Variants in CCBE1 observed in about 807,000 individuals in gnomAD.
The protein encoded by CCBE1 is collagen and calcium-binding EGF domain-containing protein 1.
CCBE1 carries 37 observed loss-of-function variants against 50.0 expected under a neutral mutation model. The observed-to-expected ratio is 0.74, with a 90% confidence interval of 0.57 to 0.97. CCBE1 has a LOEUF of 0.97. Ranked by LOEUF, CCBE1 falls within the 50% of genes least tolerant of loss-of-function variation. The pLI, the probability that CCBE1 is intolerant of heterozygous loss-of-function variation, is 0.00. For missense variants in CCBE1, 538 were observed against 523.8 expected (o/e 1.03, Z -0.26); for synonymous variants, 234 against 203.7 (o/e 1.15, Z -1.27).
At chr18:59,537,854 G>T (rs1915313995) in intron 2 of CCBE1, among the ~76,000 whole-genome samples, 1 of 152,116 alleles carries the variant, frequency 6.6e-6, no homozygotes, top group Non-Finnish European at 1.5e-5. Flanking sequence ...GTGTGCCCTT[G>T]AGCAAGTCAC....
chr18:59,634,216 C>T (rs927723765), intron 2 of CCBE1, among the ~76,000 whole-genome samples: 5 of 152,106 alleles, frequency 3.3e-5, no homozygotes, highest in African/African-American at 9.7e-5. Flanking sequence ...TTTAAAAAAC[C>T]GCAAACACAA....
At chr18:59,550,861 C>T (rs967559099) in intron 2 of CCBE1, among the ~76,000 whole-genome samples, 2 of 151,040 alleles carry the variant, frequency 1.3e-5, no homozygotes, top group Non-Finnish European at 3.0e-5. Context: ...AAAAATTAAC[C>T]GGGCGTGGTG....
chr18:59,481,829 A>G (rs1912584428), intron 2 of CCBE1, among the ~76,000 whole-genome samples: 1 of 152,248 alleles, frequency 6.6e-6, no homozygotes, highest in African/African-American at 2.4e-5. Flanking sequence ...ACAGGAGATG[A>G]CACTAGAGGG....
chr18:59,540,256 T>G (rs917463340), intron 2 of CCBE1, among the ~76,000 whole-genome samples: 76 of 152,342 alleles, frequency 5.0e-4, no homozygotes, highest in African/African-American at 1.7e-3. Flanking sequence ...TTGTTGGTTT[T>G]TAGTATTCAT....
chr18:59,501,309 T>C (rs1913611065), intron 2 of CCBE1, among the ~76,000 whole-genome samples: 1 of 152,172 alleles, frequency 6.6e-6, no homozygotes, highest in Non-Finnish European at 1.5e-5. Flanking sequence ...CTTACCCCCA[T>C]GGCTTTAGAG....
intron 2 of CCBE1, among the ~76,000 whole-genome samples, chr18:59,499,543 A>G (rs766610644): frequency 2.6e-5 from 4 of 152,210 alleles, no homozygotes; most frequent in African/African-American, 4.8e-5. Context: ...GGACGGCAAC[A>G]GGCAAAGAGA....
chr18:59,654,424 G>A (rs1239215065), intron 2 of CCBE1, among the ~76,000 whole-genome samples: 1 of 152,008 alleles, frequency 6.6e-6, no homozygotes, highest in African/African-American at 2.4e-5. Context: ...TCACGAGTTC[G>A]AAACAAGCCT....
At chr18:59,492,642 C>A (rs919950188) in intron 2 of CCBE1, among the ~76,000 whole-genome samples, 1 of 152,180 alleles carries the variant, frequency 6.6e-6, no homozygotes, top group Non-Finnish European at 1.5e-5. Context: ...CACAAGAAAC[C>A]TGTATCCGTG....
intron 2 of CCBE1, among the ~76,000 whole-genome samples, chr18:59,496,577 T>C (rs1186240172): frequency 6.6e-6 from 1 of 152,184 alleles, no homozygotes; most frequent in Non-Finnish European, 1.5e-5. Context: ...TTGTATAAAA[T>C]AGTGACAGAT....
chr18:59,501,408 G>A (rs1361084721), intron 2 of CCBE1, among the ~76,000 whole-genome samples: 1 of 152,174 alleles, frequency 6.6e-6, no homozygotes, highest in African/African-American at 2.4e-5. Flanking sequence ...CAGGACTGTG[G>A]GGCAGTTAAC....
chr18:59,685,333 C>T (rs542585141), intron 2 of CCBE1, among the ~76,000 whole-genome samples: 2 of 152,278 alleles, frequency 1.3e-5, no homozygotes, highest in South Asian at 4.1e-4. Flanking sequence ...CTGACACCCT[C>T]AAACCACCCC....
At chr18:59,453,734 G>A (rs1007593763) in intron 6 of CCBE1, among the ~76,000 whole-genome samples, 12 of 152,130 alleles carry the variant, frequency 7.9e-5, no homozygotes, top group African/African-American at 2.9e-4. Context: ...TGTGCTAAGA[G>A]CCTTGACTGG....
intron 2 of CCBE1, among the ~76,000 whole-genome samples, chr18:59,617,067 T>C (rs1177061153): frequency 6.6e-6 from 1 of 152,178 alleles, no homozygotes; most frequent in Non-Finnish European, 1.5e-5. Context: ...GATTTAGTAG[T>C]CACATAGCTT....
intron 2 of CCBE1, among the ~76,000 whole-genome samples, chr18:59,590,281 A>C (rs2053243829): frequency 1.3e-5 from 2 of 152,236 alleles, no homozygotes; most frequent in African/African-American, 2.4e-5. Context: ...TTTAGTAAAG[A>C]AGCATATAAA....
chr18:59,545,630 G>C (rs1335251363), intron 2 of CCBE1, among the ~76,000 whole-genome samples: 1 of 152,180 alleles, frequency 6.6e-6, no homozygotes, highest in Non-Finnish European at 1.5e-5. Flanking sequence ...GTTTGGCTGT[G>C]TCCACACCCA....
At chr18:59,618,770 A>G (rs1408116374) in intron 2 of CCBE1, among the ~76,000 whole-genome samples, 2 of 152,236 alleles carry the variant, frequency 1.3e-5, no homozygotes, top group Admixed American at 6.5e-5. Flanking sequence ...GCCATTAAAA[A>G]GTATCTGTAT....
chr18:59,487,999 G>A (rs1912904136), intron 2 of CCBE1, among the ~76,000 whole-genome samples: 1 of 152,208 alleles, frequency 6.6e-6, no homozygotes, highest in Non-Finnish European at 1.5e-5. Flanking sequence ...ACAATGGAAT[G>A]TAGTTCAGCC....
intron 2 of CCBE1, among the ~76,000 whole-genome samples, chr18:59,514,963 T>A (rs1337767946): frequency 6.6e-6 from 1 of 152,220 alleles, no homozygotes; most frequent in Non-Finnish European, 1.5e-5. Flanking sequence ...ATGGTTTTAC[T>A]TTTATGTTTG....
chr18:59,450,215 G>A (rs564986815), intron 6 of CCBE1, among the ~76,000 whole-genome samples: 8 of 152,304 alleles, frequency 5.3e-5, no homozygotes, highest in East Asian at 1.9e-4. Flanking sequence ...GGATGAATCC[G>A]TGAGATGCAT....
Sources: allele counts gnomAD v4.1 joint callset (sites outside exome capture counted in the v4.1 genomes callset), GRCh38; gene constraint gnomAD v4.1.1; transcripts MANE v1.5; gene names NCBI Gene and HGNC (gene_info 2026-07-23, HGNC 2026-07-21).